Variants in STK3 observed in about 807,000 individuals in gnomAD.
STK3 encodes the protein serine/threonine-protein kinase 3.
A neutral mutation model predicts 58.0 loss-of-function variants in STK3; 41 were observed. The ratio of observed to expected loss-of-function variants is 0.71; its 90% CI spans 0.55 to 0.92. The LOEUF (loss-of-function observed/expected upper bound fraction) is 0.92. STK3 is among the 40% of genes least tolerant of loss of function. The probability of loss-of-function intolerance (pLI) is 0.00; values close to 1 mark genes in which losing one functional copy is unlikely to be tolerated. For synonymous variants in STK3, 170 were observed against 191.0 expected (o/e 0.89, Z 0.91); for missense variants, 479 against 602.7 (o/e 0.79, Z 2.15).
intron 10 of STK3, among the ~76,000 whole-genome samples, chr8:98,501,900 T>C (rs1469962574): frequency 1.1e-4 from 17 of 152,232 alleles, no homozygotes; most frequent in Admixed American, 1.1e-3. Context: ...TTTTTTTTGG[T>C]TCCATATGAA....
chr8:98,643,600 G>A (rs1820185605), intron 6 of STK3, among the ~76,000 whole-genome samples: 1 of 152,150 alleles, frequency 6.6e-6, no homozygotes, highest in African/African-American at 2.4e-5. Flanking sequence ...TATTTATTAT[G>A]TCTAACCCAA....
chr8:98,392,306 T>C (rs1410805376), upstream of STK3, among the ~76,000 whole-genome samples: 3 of 152,118 alleles, frequency 2.0e-5, no homozygotes, highest in African/African-American at 7.2e-5. Context: ...ATGGAATGCT[T>C]CCTATTTCTA....
intron 1 of STK3, among the ~76,000 whole-genome samples, chr8:98,902,511 T>A (rs1341151446): frequency 6.6e-6 from 1 of 152,194 alleles, no homozygotes; most frequent in African/African-American, 2.4e-5. Context: ...CTAGAAGTCA[T>A]CTTTGATTCA....
At chr8:98,789,702 C>T (rs573923155) in intron 1 of STK3, among the ~76,000 whole-genome samples, 1 of 152,118 alleles carries the variant, frequency 6.6e-6, no homozygotes, top group East Asian at 1.9e-4. Context: ...TGGCTTAAAT[C>T]AGGAAGAATT....
chr8:98,507,042 T>A (rs565748920), intron 10 of STK3, among the ~76,000 whole-genome samples: 1 of 152,324 alleles, frequency 6.6e-6, no homozygotes, highest in East Asian at 1.9e-4. Context: ...TTCCCTTCTC[T>A]ACATATACTC....
At chr8:98,764,454 A>T (rs1460127310) in intron 3 of STK3, among the ~76,000 whole-genome samples, 1 of 152,250 alleles carries the variant, frequency 6.6e-6, no homozygotes, top group Non-Finnish European at 1.5e-5. Context: ...AGAAGAATAA[A>T]GATAGTGATG....
chr8:98,395,955 C>A (rs952022428), intron 3 of STK3, among the ~76,000 whole-genome samples: 3 of 152,210 alleles, frequency 2.0e-5, no homozygotes, highest in African/African-American at 7.2e-5. Flanking sequence ...CAGGAAAAAT[C>A]TCTTCTGACA....
intron 3 of STK3, among the ~76,000 whole-genome samples, chr8:98,847,723 T>TTTTG (rs574684156): frequency 3.3e-5 from 5 of 152,126 alleles, no homozygotes; most frequent in Non-Finnish European, 5.9e-5. Flanking sequence ...AAAGGTTTTT[T>TTTTG]TTTGTTTGTT....
At chr8:98,899,109 T>A (rs1360973051) in intron 1 of STK3, among the ~76,000 whole-genome samples, 2 of 152,188 alleles carry the variant, frequency 1.3e-5, no homozygotes, top group East Asian at 3.9e-4. Context: ...TGGCACTATG[T>A]TTTCAACTAT....
chr8:98,583,686 T>G (rs1270606336), intron 7 of STK3, among the ~76,000 whole-genome samples: 1 of 152,230 alleles, frequency 6.6e-6, no homozygotes, highest in East Asian at 1.9e-4. Flanking sequence ...TTCTTGCGTC[T>G]TTCCAAGCAG....
chr8:98,900,649 T>C (rs1838621483), intron 1 of STK3, among the ~76,000 whole-genome samples: 1 of 151,802 alleles, frequency 6.6e-6, no homozygotes, highest in African/African-American at 2.4e-5. Context: ...TTGTTATAGT[T>C]TTATATTCTT....
intron 8 of STK3, among the ~76,000 whole-genome samples, chr8:98,566,996 C>G (rs1341037734): frequency 6.6e-6 from 1 of 151,954 alleles, no homozygotes; most frequent in Non-Finnish European, 1.5e-5. Context: ...AGAAAAGAAC[C>G]AGAAAGTTTC....
rs985483152 is a variant in STK3, at chr8:98,635,901, G to A, written c.685-39732C>T. ...CCCCAATCTTTCCCCTATTACTTAC[G>A]AAATAAAGTACAACTTCTTTTCAGC... On this transcript the variant is annotated intron_variant, in intron 6 of 10. Transcript: ENST00000419617. Among the ~76,000 whole-genome samples the A allele has an allele frequency of 4.0e-5, 6 of 151,770 alleles. No individual in the cohort carries two copies. In the East Asian group the frequency reaches 7.7e-4, roughly 20 times the overall value.
the STK3 span, among the ~76,000 whole-genome samples, chr8:98,360,005 CCTTTCT>C: frequency 1.3e-5 from 2 of 152,058 alleles, no homozygotes. Context: ...TACCTTGTGT[CCTTTCT>C]CTTTATCTTG....
chr8:98,347,534 C>CAA, the STK3 span, among the ~76,000 whole-genome samples: 51 of 146,370 alleles, frequency 3.5e-4, no homozygotes, highest in Non-Finnish European at 5.4e-4. Context: ...CAAAAAAAAC[C>CAA]AAAAAAAACC....
chr8:98,470,700 T>G (rs1820852653), intron 10 of STK3, among the ~76,000 whole-genome samples: 1 of 152,210 alleles, frequency 6.6e-6, no homozygotes, highest in Non-Finnish European at 1.5e-5. Context: ...TATCAACTAA[T>G]TTTAAAGATG....
chr8:98,573,528 G>C (rs1813134945), intron 8 of STK3, among the ~76,000 whole-genome samples: 1 of 152,100 alleles, frequency 6.6e-6, no homozygotes, highest in Admixed American at 6.6e-5. Context: ...GAGGAATAAG[G>C]GAACTACAAT....
At chr8:98,603,185 A>G (rs1816496867) in intron 6 of STK3, 1 of 152,172 alleles carries the variant, frequency 6.6e-6, no homozygotes, top group Admixed American at 6.5e-5. Flanking sequence ...AATAATAGTA[A>G]TAATGACTAT....
At chr8:98,439,699 T>C (rs1325651719) in intron 1 of STK3, among the ~76,000 whole-genome samples, 1 of 152,180 alleles carries the variant, frequency 6.6e-6, no homozygotes, top group Non-Finnish European at 1.5e-5. Flanking sequence ...GTTAGAGGGA[T>C]AGGCTTAACA....
Sources: allele counts gnomAD v4.1 joint callset (sites outside exome capture counted in the v4.1 genomes callset), GRCh38; gene constraint gnomAD v4.1.1; transcripts MANE v1.5; gene names NCBI Gene and HGNC (gene_info 2026-07-23, HGNC 2026-07-21).